The following EBF2 variants were observed in gnomAD, a reference collection of about 807,000 sequenced individuals.
EBF2 encodes the protein EBF transcription factor 2.
A neutral mutation model predicts 72.8 loss-of-function variants in EBF2; 21 were observed. The ratio of observed to expected loss-of-function variants is 0.29; its 90% CI spans 0.20 to 0.42. The LOEUF (loss-of-function observed/expected upper bound fraction) is 0.42, where lower values mean the gene tolerates loss of function less well. Ranked by LOEUF, EBF2 falls within the 10% of genes least tolerant of loss-of-function variation. The pLI, the probability that EBF2 is intolerant of heterozygous loss-of-function variation, is 1.00. For missense variants in EBF2, 637 were observed against 731.2 expected (o/e 0.87, Z 1.49); for synonymous variants, 299 against 274.2 (o/e 1.09, Z -0.89).
chr8:25,928,549 T>C (rs1219621256), intron 6 of EBF2, among the ~76,000 whole-genome samples: 2 of 152,206 alleles, frequency 1.3e-5, no homozygotes. Context: ...GATCAATTAC[T>C]GTCTTCACTT....
intron 10 of EBF2, among the ~76,000 whole-genome samples, chr8:25,863,103 T>C (rs554548974): frequency 6.6e-6 from 1 of 152,254 alleles, no homozygotes; most frequent in Non-Finnish European, 1.5e-5. Context: ...ATGAAGATAA[T>C]AAACTACTTT....
intron 1 of EBF2, among the ~76,000 whole-genome samples, chr8:26,042,973 C>A (rs1450126901): frequency 6.6e-6 from 1 of 152,182 alleles, no homozygotes; most frequent in Non-Finnish European, 1.5e-5. Context: ...ACATAGGGGG[C>A]CCTCCCTCCC....
At chr8:25,958,009 A>C (rs546553899) in intron 6 of EBF2, among the ~76,000 whole-genome samples, 1 of 152,354 alleles carries the variant, frequency 6.6e-6, no homozygotes, top group African/African-American at 2.4e-5. Flanking sequence ...TGCACAGCCA[A>C]GGGAGAGGGC....
At chr8:25,944,791 A>G (rs1177280465) in intron 6 of EBF2, among the ~76,000 whole-genome samples, 1 of 149,444 alleles carries the variant, frequency 6.7e-6, no homozygotes, top group Admixed American at 6.7e-5. Context: ...ATAATTATAC[A>G]TGTATATGTA....
chr8:26,004,584 C>T lies in EBF2; in HGVS notation c.551+28501G>A, dbSNP rs191392620. Among the ~76,000 whole-genome samples the T allele has an allele frequency of 3.3e-3, 465 of 142,280 alleles. 12 individuals are homozygous for T. Among genetic ancestry groups the T allele is most frequent in the Admixed American group, 0.032 (414 of 13,100 alleles). 93.3% of individuals were successfully genotyped at this position (142,280 alleles called of 152,430 possible). The stretch of plus-strand genomic sequence containing the variant: ...CAGTTTCTTGAGAGGCTGAGGCACA[C>T]GAATTGTTGGAACCAGGGAGGCAGA... On this transcript the variant is annotated intron_variant, in intron 6 of 15. Transcript: ENST00000520164.
chr8:25,899,133 G>A (rs746173162), intron 7 of EBF2, among the ~76,000 whole-genome samples: 1 of 152,068 alleles, frequency 6.6e-6, no homozygotes, highest in Non-Finnish European at 1.5e-5. Context: ...TAGGGGTGGA[G>A]GCAGCAGAAG....
intron 6 of EBF2, among the ~76,000 whole-genome samples, chr8:25,957,244 T>C: frequency 6.6e-6 from 1 of 152,226 alleles, no homozygotes; most frequent in East Asian, 1.9e-4. Context: ...AAGATCATGA[T>C]GCTTTGCATA....
At chr8:25,967,133 GTGCACACAGCATGT>G (rs1427319406) in intron 6 of EBF2, among the ~76,000 whole-genome samples, 1 of 152,162 alleles carries the variant, frequency 6.6e-6, no homozygotes, top group Admixed American at 6.5e-5. Context: ...CCAACTAATG[GTGCACACAGCATGT>G]TGCTACAGGG....
chr8:25,981,136 C>T (rs1314510063), intron 6 of EBF2, among the ~76,000 whole-genome samples: 1 of 152,162 alleles, frequency 6.6e-6, no homozygotes, highest in East Asian at 1.9e-4. Flanking sequence ...CCTGATGACC[C>T]CTGATTTGGC....
chr8:25,870,658 A>G (rs7814719), intron 10 of EBF2, among the ~76,000 whole-genome samples: 42,174 of 151,800 alleles, frequency 0.28, 6,092 homozygotes, highest in Middle Eastern at 0.4. Context: ...CAGATTGCAA[A>G]CCACTAGGAT....
Position 25,842,591 on chromosome 8 carries a change from G to A in EBF2, c.*2018C>T, listed in dbSNP as rs1801760572. 6.6e-6 allele frequency: 1 copy of A among 152,112 alleles called. No homozygotes were observed. Among genetic ancestry groups the A allele is most frequent in the Non-Finnish European group, 1.5e-5 (1 of 68,018 alleles). 9.4% of individuals were successfully genotyped at this position (152,112 alleles called of 1,614,324 possible). A position where few individuals can be genotyped will look rare whatever the true frequency, so the allele number is the denominator to read the frequency against. Reference sequence around the variant, plus strand: ...TTCCATCAATCAGGTTTCTCACTGGGGGACTTTTTCTCTTATGTTTCCGTG... The same window carrying A: ...TTCCATCAATCAGGTTTCTCACTGGAGGACTTTTTCTCTTATGTTTCCGTG... On this transcript the variant is annotated 3_prime_UTR_variant, in exon 16 of 16. Coordinates refer to ENST00000520164, the MANE Select transcript of EBF2 (RefSeq NM_022659.4).
chr8:25,861,022 G>T, intron 13 of EBF2, 27 bp downstream of exon 13: 1 of 1,613,794 alleles, frequency 6.2e-7, no homozygotes, highest in Admixed American at 1.7e-5. Flanking sequence ...AGACATATTT[G>T]GATTTTGACT....
intron 6 of EBF2, among the ~76,000 whole-genome samples, chr8:25,941,503 G>C (rs1014472777): frequency 6.6e-6 from 1 of 152,194 alleles, no homozygotes; most frequent in Non-Finnish European, 1.5e-5. Flanking sequence ...ACTATGCCCA[G>C]CTGTGCTCTC....
At chr8:25,901,510 C>A (rs756287895) in intron 7 of EBF2, among the ~76,000 whole-genome samples, 4 of 151,822 alleles carry the variant, frequency 2.6e-5, no homozygotes, top group African/African-American at 4.8e-5. Context: ...CTGAAACGAC[C>A]TAATATACAC....
chr8:26,023,542 T>A (rs1251907795), intron 6 of EBF2, among the ~76,000 whole-genome samples: 2 of 152,198 alleles, frequency 1.3e-5, no homozygotes, highest in African/African-American at 2.4e-5. Context: ...AGAATGCTAG[T>A]CATGGTGAGT....
Position 25,862,720 on chromosome 8 carries a change from T to C in EBF2, c.1087A>G (p.Arg363Gly). The change falls in exon 11 of 16, where the codon AGA becomes GGA. Residue 363 changes from arginine to glycine, a missense_variant. By Grantham distance (125) the Arg-to-Gly change is moderately radical (BLOSUM62 -2). Transcript: ENST00000520164. The part of the protein sequence containing the change: ...VIPRHPGDPE[R>G]LAKEMLLKRA... Reference sequence around the variant, plus strand: ...CCAAAGCACATTACCTTAGCTAATCTCTCAGGATCTCCAGGATGCCTAGGG... The same window carrying C: ...CCAAAGCACATTACCTTAGCTAATCCCTCAGGATCTCCAGGATGCCTAGGG... 6.3e-7 allele frequency: 1 copy of C among 1,595,070 alleles called. No homozygotes were observed. The highest frequency in any genetic ancestry group is 8.6e-7 in the Non-Finnish European group (1 of 1,169,352).
At chr8:26,005,534 T>TA (rs1313787130) in intron 6 of EBF2, among the ~76,000 whole-genome samples, 3 of 34,004 alleles carry the variant, frequency 8.8e-5, no homozygotes, top group African/African-American at 1.4e-4. Flanking sequence ...TTATATATTA[T>TA]ATATATTTTA....
chr8:25,875,583 G>A (rs982106483), intron 10 of EBF2, among the ~76,000 whole-genome samples: 1 of 152,204 alleles, frequency 6.6e-6, no homozygotes, highest in Non-Finnish European at 1.5e-5. Flanking sequence ...CACAGGCTCT[G>A]AGTGTAGCAC....
intron 6 of EBF2, among the ~76,000 whole-genome samples, chr8:25,917,640 CTA>C (rs1803241367): frequency 6.6e-6 from 1 of 152,190 alleles, no homozygotes; most frequent in Non-Finnish European, 1.5e-5. Context: ...GAATACAAAT[CTA>C]TTTCCCTTGC....
Sources: gnomAD v4.1 joint callset for allele counts (sites outside exome capture counted in the v4.1 genomes callset) on GRCh38, gnomAD v4.1.1 for gene constraint, MANE v1.5 for transcripts, NCBI Gene and HGNC (gene_info 2026-07-23, HGNC 2026-07-21) for gene names.